Variants in VPS8 observed in about 807,000 individuals in gnomAD.
VPS8 encodes the protein vacuolar protein sorting-associated protein 8 homolog.
In VPS8, 129 loss-of-function variants were observed where a neutral mutation model predicts 216.4. That is an observed-to-expected ratio of 0.60 (90% CI 0.52 to 0.69). The LOEUF is 0.69. Ranked by LOEUF, VPS8 falls within the 30% of genes least tolerant of loss-of-function variation. The probability of loss-of-function intolerance (pLI) is 0.00; values close to 1 mark genes in which losing one functional copy is unlikely to be tolerated. For synonymous variants in VPS8, 571 were observed against 565.4 expected, an observed-to-expected ratio of 1.01 and a Z score of -0.14; for missense variants, 1,531 against 1,683.5, an observed-to-expected ratio of 0.91 and a Z score of 1.59.
At chr3:184,902,611 C>T (rs1734743117) in intron 25 of VPS8, among the ~76,000 whole-genome samples, 3 of 151,452 alleles carry the variant, frequency 2.0e-5, no homozygotes, top group Admixed American at 2.0e-4. Context: ...GTGGGCGGAT[C>T]ACGAGGTCAG....
intron 23 of VPS8, among the ~76,000 whole-genome samples, chr3:184,895,578 T>C: frequency 2.2e-5 from 2 of 89,088 alleles, no homozygotes; most frequent in African/African-American, 8.8e-5. Flanking sequence ...ATTTATTTTT[T>C]CCTCCTCCTG....
rs1306718232 is a variant in VPS8 at position 185,052,063 on chromosome 3, A to T, written c.*38A>T. The T allele has an allele frequency of 2.5e-6, 4 of 1,577,764 alleles. No individual in the cohort carries two copies. Among genetic ancestry groups the T allele is most frequent in the Non-Finnish European group, 3.4e-6 (4 of 1,162,718 alleles). Reference sequence around the variant, plus strand: ...GCCTGGCCCAGGAGAACCAGAGATGATCCCGAGGCAGCTGGGGAGAGGCCC... The same window carrying T: ...GCCTGGCCCAGGAGAACCAGAGATGTTCCCGAGGCAGCTGGGGAGAGGCCC... On this transcript the variant is annotated 3_prime_UTR_variant, in exon 48 of 48. Coordinates refer to ENST00000625842, the MANE Select transcript of VPS8 (RefSeq NM_001009921.3).
chr3:184,875,730 C>CA (rs958878250), intron 21 of VPS8, among the ~76,000 whole-genome samples: 7 of 150,826 alleles, frequency 4.6e-5, no homozygotes, highest in Non-Finnish European at 1.0e-4. Flanking sequence ...CTCACACCTA[C>CA]AATCTCAGCA....
chr3:184,835,501 C>T (rs1041933647), intron 5 of VPS8, among the ~76,000 whole-genome samples: 3 of 152,088 alleles, frequency 2.0e-5, no homozygotes. Flanking sequence ...TCGTTTGACA[C>T]TATCAGACTT....
chr3:184,838,511 A>C (rs1015518910), intron 5 of VPS8, among the ~76,000 whole-genome samples: 1 of 152,160 alleles, frequency 6.6e-6, no homozygotes, highest in African/African-American at 2.4e-5. Context: ...TACTTAGTAA[A>C]ATAAAACAAT....
At chr3:184,832,468 C>T (rs1025960355) in intron 3 of VPS8, among the ~76,000 whole-genome samples, 1 of 152,122 alleles carries the variant, frequency 6.6e-6, no homozygotes, top group Non-Finnish European at 1.5e-5. Flanking sequence ...TCCTGCTACA[C>T]GAAAGAAGTT....
At chr3:185,025,867 T>G (rs1757273560) in intron 46 of VPS8, among the ~76,000 whole-genome samples, 1 of 152,270 alleles carries the variant, frequency 6.6e-6, no homozygotes, top group South Asian at 2.1e-4. Context: ...CTTATTTATC[T>G]GAGTGACCTT....
At chr3:185,019,028 A>G (rs1756249050) in intron 45 of VPS8, among the ~76,000 whole-genome samples, 1 of 152,192 alleles carries the variant, frequency 6.6e-6, no homozygotes. Context: ...TTTAGCTGGC[A>G]AACAGACCTG....
At chr3:184,949,644 A>G (rs1744297278) in intron 36 of VPS8, among the ~76,000 whole-genome samples, 2 of 152,130 alleles carry the variant, frequency 1.3e-5, no homozygotes, top group Non-Finnish European at 2.9e-5. Context: ...TGTAGAGACC[A>G]TTGTGTTTGT....
At chr3:184,978,054 A>G (rs1463837780) in intron 40 of VPS8, among the ~76,000 whole-genome samples, 3 of 151,616 alleles carry the variant, frequency 2.0e-5, no homozygotes, top group South Asian at 2.1e-4. Context: ...CTGTGAATCC[A>G]TCTGGTCCTG....
At chr3:184,906,473 G>A (rs570467053) in intron 25 of VPS8, among the ~76,000 whole-genome samples, 5 of 152,006 alleles carry the variant, frequency 3.3e-5, no homozygotes, top group African/African-American at 1.2e-4. Context: ...AACTTTGAGT[G>A]TAAGTCTGTC....
In VPS8 at chr3:184,993,980, T is replaced by A; in HGVS notation, c.3586-3T>A. 9 of 1,544,888 alleles carry A rather than the reference T, an allele frequency of 5.8e-6. No individual in the cohort carries two copies. Among genetic ancestry groups the A allele is most frequent in the Non-Finnish European group, 7.8e-6 (9 of 1,147,486 alleles). ...TAACAGAATTGTAATTTTTTCCGAT[T>A]AGGATCCAGTTTATGGAAAAGGAAA... is the stretch of plus-strand genomic sequence containing the variant. On this transcript the variant is annotated splice_region_variant and splice_polypyrimidine_tract_variant and intron_variant, in intron 42 of 47. Coordinates refer to ENST00000625842, the MANE Select transcript of VPS8 (RefSeq NM_001009921.3).
At position 184,999,769 on chromosome 3, in the gene VPS8, T is replaced by G; in HGVS notation, c.3910T>G (p.Trp1304Gly). 6.2e-7 allele frequency: 1 copy of G among 1,613,270 alleles called. No individual in the cohort carries two copies. The highest frequency in any genetic ancestry group is 1.3e-5 in the African/African-American group (1 of 75,034). Reference protein sequence around the residue: ...CTVEFEGQTRWTCYKCSSSNK... With the variant: ...CTVEFEGQTRGTCYKCSSSNK... ...TGTGGAATTTGAGGGCCAAACAAGATGGACATGCTACAAATGCAGTTCAAG... is the reference window on the plus strand; with the variant it reads ...TGTGGAATTTGAGGGCCAAACAAGAGGGACATGCTACAAATGCAGTTCAAG... Residue 1304 changes from tryptophan to glycine, a missense_variant, in exon 45 of 48, where the codon TGG becomes GGG. Around this residue, in one of 3 missense-constraint regions of VPS8, gnomAD observed 1,318 missense variants for 1,468.4 expected, o/e 0.90. Transcript: ENST00000625842.
At chr3:184,913,312 T>C (rs754708220) in intron 25 of VPS8, among the ~76,000 whole-genome samples, 1 of 152,182 alleles carries the variant, frequency 6.6e-6, no homozygotes, top group African/African-American at 2.4e-5. Context: ...ACATCTATCT[T>C]AGGGTAGCTT....
At position 184,982,606 on chromosome 3, in the gene VPS8, A is replaced by G. The variant is rs543444970; in HGVS notation, c.3461A>G (p.Gln1154Arg). ...FPLLEAMMAP[Q>R]KLSSSAIPHL... ...TTATTGGAGGCAATGATGGCCCCTC[A>G]GAAGCTGTCCAGTTCAGCCATTCCT... Residue 1154 changes from glutamine (Q) to arginine (R), a missense_variant, in exon 41 of 48, where the codon CAG becomes CGG. Around this residue, in one of 3 missense-constraint regions of VPS8, gnomAD observed 1,318 missense variants for 1,468.4 expected, o/e 0.90. Transcript: ENST00000625842. 1.9e-6 allele frequency: 3 copies of G among 1,611,580 alleles called. No homozygotes were observed. The highest frequency in any genetic ancestry group is 1.3e-5 in the African/African-American group (1 of 74,386).
At chr3:184,893,513 A>G in intron 22 of VPS8, 1 of 490,854 alleles carries the variant, frequency 2.0e-6, no homozygotes, top group Non-Finnish European at 2.7e-6. Context: ...AACATGGAAA[A>G]TATTCAATTT....
At chr3:184,930,637 A>G (rs1578299311) in intron 34 of VPS8, 69 bp downstream of exon 34, 2 of 1,120,558 alleles carry the variant, frequency 1.8e-6, no homozygotes, top group Non-Finnish European at 2.7e-6. Context: ...CTTTATGCCA[A>G]CGAAGCAATG....
chr3:184,928,917 C>A (rs1366291788), intron 32 of VPS8, among the ~76,000 whole-genome samples: 1 of 151,832 alleles, frequency 6.6e-6, no homozygotes, highest in African/African-American at 2.4e-5. Context: ...TTGCTACTTA[C>A]CTAGTATGCT....
rs1394263322 is a variant in VPS8 at position 184,855,693 on chromosome 3, TTCC to T, written c.1036-17_1036-15del. ...TTTATTAACTGTGATGATTTTTTTT[TTCC>T]ATCTCCCTACTTAGATGGATCCTTC... On this transcript the variant is annotated splice_polypyrimidine_tract_variant and intron_variant, in intron 13 of 47. Transcript: ENST00000625842. 6.3e-7 allele frequency: 1 copy of T among 1,583,104 alleles called. No individual in the cohort carries two copies. The highest frequency in any genetic ancestry group is 1.7e-5 in the Admixed American group (1 of 58,504).
Sources: allele counts gnomAD v4.1 joint callset (sites outside exome capture counted in the v4.1 genomes callset), GRCh38; gene constraint gnomAD v4.1.1; regional missense constraint gnomAD v4.1.1; transcripts MANE v1.5; gene names NCBI Gene and HGNC (gene_info 2026-07-23, HGNC 2026-07-21).